Variants in COL27A1 observed in about 807,000 individuals in gnomAD.
COL27A1 encodes collagen alpha-1(XXVII) chain.
In COL27A1, 106 loss-of-function variants were observed where a neutral mutation model predicts 251.3. The ratio of observed to expected loss-of-function variants is 0.42; its 90% CI spans 0.36 to 0.50. The LOEUF (loss-of-function observed/expected upper bound fraction) is 0.50, where lower values mean the gene tolerates loss of function less well. COL27A1 is among the 20% of genes least tolerant of loss of function. COL27A1 has a pLI of 0.00. For missense variants in COL27A1, 2,325 were observed against 2,522.8 expected (o/e 0.92, Z 1.68); for synonymous variants, 1,000 against 986.3 (o/e 1.01, Z -0.26).
At chr9:114,204,746 AG>A (rs1253634077) in intron 7 of COL27A1, among the ~76,000 whole-genome samples, 1 of 152,120 alleles carries the variant, frequency 6.6e-6, no homozygotes, top group African/African-American at 2.4e-5. Context: ...GACAAATCCT[AG>A]CCCTGAGAGA....
chr9:114,254,553 G>A (rs1279005474), intron 27 of COL27A1, among the ~76,000 whole-genome samples: 1 of 152,092 alleles, frequency 6.6e-6, no homozygotes, highest in East Asian at 1.9e-4. Context: ...GGGGGTAGAG[G>A]GACCAGCCCA....
Position 114,178,204 on chromosome 9 carries a change from G to A in COL27A1, c.1909-87G>A, listed in dbSNP as rs562471664. 1.3e-3 allele frequency: 1,508 copies of A among 1,120,678 alleles called. 34 individuals are homozygous for A. In the South Asian group the frequency reaches 0.018, roughly 14 times the overall value. 69.4% of individuals were successfully genotyped at this position (1,120,678 alleles called of 1,614,324 possible). A position where few individuals can be genotyped will look rare whatever the true frequency, so the allele number is the denominator to read the frequency against. On this transcript the variant is annotated intron_variant, in intron 3 of 60. Transcript: ENST00000356083. ...CCGCGGACTATCCATGCCCACAGCTGCAGGCGGGATTGTTGAATGACTGCT... is the reference window on the plus strand; with the variant it reads ...CCGCGGACTATCCATGCCCACAGCTACAGGCGGGATTGTTGAATGACTGCT...
Position 114,193,921 on chromosome 9 carries a change from A to T in COL27A1, c.2017-483A>T, listed in dbSNP as rs188164781. 8.1e-3 allele frequency among the ~76,000 whole-genome samples: 1,240 copies of T among 152,154 alleles called. 20 individuals carry two copies. The highest frequency in any genetic ancestry group is 7.3e-3 in the Non-Finnish European group (497 of 68,018). On this transcript the variant is annotated intron_variant, in intron 5 of 60. Coordinates refer to ENST00000356083, the MANE Select transcript of COL27A1 (RefSeq NM_032888.4). ...ATGGACGCAGAGCTCTACAAGTAGGATGTGAAGGACACATTCCAGCTGTGA... is the reference window on the plus strand; with the variant it reads ...ATGGACGCAGAGCTCTACAAGTAGGTTGTGAAGGACACATTCCAGCTGTGA...
At chr9:114,249,997 C>G (rs1833413737) in intron 24 of COL27A1, among the ~76,000 whole-genome samples, 1 of 152,186 alleles carries the variant, frequency 6.6e-6, no homozygotes, top group Non-Finnish European at 1.5e-5. Flanking sequence ...AGGGAGACGG[C>G]AAGGACTGGG....
At chr9:114,304,155 T>C (rs749450264) in intron 56 of COL27A1, among the ~76,000 whole-genome samples, 2 of 152,022 alleles carry the variant, frequency 1.3e-5, no homozygotes, top group Non-Finnish European at 2.9e-5. Flanking sequence ...CGCCTCTCCT[T>C]GAGAACCACT....
chr9:114,269,614 C>CAA lies in COL27A1; in HGVS notation c.3555+341_3555+342dup, dbSNP rs552967033. Among the ~76,000 whole-genome samples, 486 of 69,004 alleles carry CAA rather than the reference C, an allele frequency of 7.0e-3. 18 individuals are homozygous for CAA. Among genetic ancestry groups the CAA allele is most frequent in the African/African-American group, 0.02 (383 of 19,370 alleles). The allele number at this position is 69,004 out of a possible 152,430, so 45.3% of individuals were successfully genotyped here. On this transcript the variant is annotated intron_variant, in intron 35 of 60. Transcript: ENST00000356083. ...CGGGTGACAGAGGAAGACTCCATCTCAAAAAAAAAAAAAAAAAAAAAAGAA... is the reference window on the plus strand; with the variant it reads ...CGGGTGACAGAGGAAGACTCCATCTCAAAAAAAAAAAAAAAAAAAAAAAAGAA...
In COL27A1 at chr9:114,210,987, G is replaced by C. The variant is rs779051348; in HGVS notation, c.2328G>C (p.Leu776=). Reference sequence around the variant, plus strand: ...CCCCTGTCTCTCCCCTGCAGGGCCTGCCTGGCGTTCCTGGCAAGAGGGGCA... The same window carrying C: ...CCCCTGTCTCTCCCCTGCAGGGCCTCCCTGGCGTTCCTGGCAAGAGGGGCA... ...GLPGSDGERG[L]PGVPGKRGKM... is the part of the protein sequence containing the mutation. The change falls in exon 12 of 61, where the codon CTG becomes CTC. Residue 776 remains leucine (L), a synonymous_variant. Coordinates refer to ENST00000356083, the MANE Select transcript of COL27A1 (RefSeq NM_032888.4). The C allele has an allele frequency of 2.5e-6, 4 of 1,614,192 alleles. No homozygotes were observed. The highest frequency in any genetic ancestry group is 8.5e-7 in the Non-Finnish European group (1 of 1,180,026).
Position 114,275,622 on chromosome 9 carries a change from T to TTC in COL27A1, c.3610-26_3610-25dup, listed in dbSNP as rs143442582. Reference sequence around the variant, plus strand: ...TCTGATGCACTTGGCAACTAACTTATTCTCTCTCTCTCTCCCCTCTTCATG... The same window carrying TTC: ...TCTGATGCACTTGGCAACTAACTTATTCTCTCTCTCTCTCTCCCCTCTTCATG... On this transcript the variant is annotated intron_variant, in intron 36 of 60. Coordinates refer to ENST00000356083, the MANE Select transcript of COL27A1 (RefSeq NM_032888.4). 58 of 1,387,178 alleles carry TTC rather than the reference T, an allele frequency of 4.2e-5. 2 individuals carry two copies. In the African/African-American group the frequency reaches 5.6e-4, roughly 13 times the overall value. The allele number at this position is 1,387,178 out of a possible 1,614,324, so 85.9% of individuals were successfully genotyped here.
intron 27 of COL27A1, among the ~76,000 whole-genome samples, chr9:114,255,548 A>G (rs1364129372): frequency 6.6e-6 from 1 of 152,080 alleles, no homozygotes; most frequent in Non-Finnish European, 1.5e-5. Context: ...ATTCAGGCCA[A>G]TACAGAGAAG....
chr9:114,159,165 T>G (rs188791416), intron 1 of COL27A1, among the ~76,000 whole-genome samples: 3 of 152,318 alleles, frequency 2.0e-5, no homozygotes, highest in East Asian at 1.9e-4. Flanking sequence ...AGGGCTGAAG[T>G]CCTCAAGTTG....
intron 4 of COL27A1, among the ~76,000 whole-genome samples, chr9:114,181,606 C>T (rs1827924086): frequency 6.6e-6 from 1 of 152,160 alleles, no homozygotes. Context: ...CTCCTATGCC[C>T]CAGATTATTC....
chr9:114,294,630 G>GA (rs1828146384), intron 49 of COL27A1, among the ~76,000 whole-genome samples: 2 of 152,172 alleles, frequency 1.3e-5, no homozygotes, highest in Non-Finnish European at 2.9e-5. Context: ...AAGCATTTGA[G>GA]AAAAATCTAA....
At chr9:114,177,241 C>T (rs375255222) in intron 3 of COL27A1, among the ~76,000 whole-genome samples, 54 of 152,332 alleles carry the variant, frequency 3.5e-4, no homozygotes, top group Middle Eastern at 3.4e-3. Context: ...AAGATCAGCT[C>T]ATCCTTCAGT....
chr9:114,288,322 C>T, intron 41 of COL27A1, 133 bp from the exon 42 acceptor site: 1 of 913,796 alleles, frequency 1.1e-6, no homozygotes, highest in Non-Finnish European at 1.8e-6. Flanking sequence ...CTACCCTTCC[C>T]TCTCTAGTTT....
At chr9:114,219,916 G>A (rs1009241506) in intron 13 of COL27A1, 72 bp downstream of exon 13, 4 of 1,173,134 alleles carry the variant, frequency 3.4e-6, no homozygotes, top group African/African-American at 3.0e-5. Flanking sequence ...AGGAGCCCAC[G>A]CTTTAGGGTC....
intron 7 of COL27A1, among the ~76,000 whole-genome samples, chr9:114,198,867 C>A (rs1479155987): frequency 3.3e-5 from 5 of 152,192 alleles, no homozygotes; most frequent in Admixed American, 6.5e-5. Context: ...AGTTGCCTCA[C>A]CTTGCTGGGC....
intron 13 of COL27A1, among the ~76,000 whole-genome samples, chr9:114,221,634 G>A (rs1350648434): frequency 1.3e-5 from 2 of 152,126 alleles, no homozygotes; most frequent in East Asian, 3.9e-4. Context: ...AGGTATAGGG[G>A]GATAAATCAC....
intron 31 of COL27A1, 90 bp from the exon 32 acceptor site, chr9:114,265,332 C>T: frequency 7.2e-7 from 1 of 1,384,646 alleles, no homozygotes; most frequent in South Asian, 1.2e-5. Flanking sequence ...GAGGAGGGGA[C>T]CCAAATACAC....
At chr9:114,156,903 C>A (rs1472375239) in intron 1 of COL27A1, among the ~76,000 whole-genome samples, 1 of 152,126 alleles carries the variant, frequency 6.6e-6, no homozygotes, top group Non-Finnish European at 1.5e-5. Context: ...GCGCTCCTCT[C>A]TTTCCATCCT....
Sources: gnomAD v4.1 joint callset for allele counts (sites outside exome capture counted in the v4.1 genomes callset) on GRCh38, gnomAD v4.1.1 for gene constraint, MANE v1.5 for transcripts, NCBI Gene and HGNC (gene_info 2026-07-23, HGNC 2026-07-21) for gene names.